Variants in SON observed in about 807,000 individuals in gnomAD.
SON encodes the protein protein SON.
SON carries 4 observed loss-of-function variants against 173.3 expected under a neutral mutation model. The observed-to-expected ratio is 0.02, with a 90% confidence interval of 0.01 to 0.05. The LOEUF is 0.05. Among genes scored for constraint, SON ranks in the 10% least tolerant of loss-of-function variants. The pLI, the probability that SON is intolerant of heterozygous loss-of-function variation, is 1.00. For missense variants in SON, 2,626 were observed against 3,055.3 expected (o/e 0.86, Z 3.31); for synonymous variants, 1,190 against 1,105.9 (o/e 1.08, Z -1.51).
At chr21:33,562,939 T>C (rs1039838490) in intron 6 of SON, among the ~76,000 whole-genome samples, 4 of 152,142 alleles carry the variant, frequency 2.6e-5, no homozygotes, top group African/African-American at 7.2e-5. Flanking sequence ...AGAGGTAGTA[T>C]TGTTAAGGTC....
intron 6 of SON, chr21:33,560,351 C>G: frequency 7.8e-7 from 1 of 1,286,722 alleles, no homozygotes; most frequent in Non-Finnish European, 9.8e-7. Context: ...CTTTTAAATT[C>G]TTGTGTTTAA....
chr21:33,552,309 C>T lies in SON; in HGVS notation c.3078C>T (p.Ser1026=), dbSNP rs745970382. The T allele has an allele frequency of 1.2e-6, 2 of 1,613,828 alleles. No homozygotes were observed. Among genetic ancestry groups the T allele is most frequent in the Admixed American group, 1.7e-5 (1 of 59,988 alleles). The change falls in exon 3 of 12, where the codon TCC becomes TCT. Residue 1026 remains serine (S), a synonymous_variant. Coordinates refer to ENST00000356577, the MANE Select transcript of SON (RefSeq NM_138927.4). This position sits in a 1 kb window ranked among gnomAD's most constrained non-coding sequence, Gnocchi z 5.6. The part of the protein sequence containing the change: ...SMMSYERSMM[S]PMAERSMMSA... Reference sequence around the variant, plus strand: ...TGTCTTATGAGCGGTCTATGATGTCCCCTATGGCTGAACGCTCTATGATGT... The same window carrying T: ...TGTCTTATGAGCGGTCTATGATGTCTCCTATGGCTGAACGCTCTATGATGT...
chr21:33,573,873 G>A (rs113490823), intron 9 of SON, among the ~76,000 whole-genome samples: 2 of 604 alleles, frequency 3.3e-3, no homozygotes, highest in Non-Finnish European at 7.5e-3. Context: ...TACAATACTG[G>A]TTTAGTCTAG....
Position 33,555,212 on chromosome 21 carries a change from C to G in SON, c.5981C>G (p.Thr1994Ser), listed in dbSNP as rs540586131. The change falls in exon 3 of 12, where the codon ACC (threonine) becomes AGC (serine). Residue 1994 changes from threonine to serine, a missense_variant. Around this residue, in one of 13 missense-constraint regions of SON, gnomAD observed 138 missense variants for 222.9 expected, o/e 0.62. Transcript: ENST00000356577. ...CGCACCCCTAGCCGTCGGAGCCGCA[C>G]CCCAAGCCGCCGGAGAAGATCAAGG... Reference protein sequence around the residue: ...RSRTPSRRSRTPSRRRRSRSV... With the variant: ...RSRTPSRRSRSPSRRRRSRSV... The G allele has an allele frequency of 6.3e-7, 1 of 1,599,664 alleles. No individual in the cohort carries two copies. The highest frequency in any genetic ancestry group is 1.4e-5 in the African/African-American group (1 of 73,560).
chr21:33,550,022 T>C lies in SON; in HGVS notation c.791T>C (p.Val264Ala). 3 of 1,614,140 alleles carry C rather than the reference T, an allele frequency of 1.9e-6. No individual in the cohort carries two copies. The highest frequency in any genetic ancestry group is 1.3e-5 in the African/African-American group (1 of 75,066). The change falls in exon 3 of 12, where the codon GTA becomes GCA. Residue 264 changes from valine (V) to alanine (A), a missense_variant. By Grantham distance (64) the Val-to-Ala change is moderately conservative (BLOSUM62 0). Around this residue, in one of 13 missense-constraint regions of SON, gnomAD observed 757 missense variants for 730.1 expected, o/e 1.04. Coordinates refer to ENST00000356577, the MANE Select transcript of SON (RefSeq NM_138927.4). ...TLVLKSSEPV[V>A]TMSVEYQMKS... is the part of the protein sequence containing the mutation. ...GTGTTGAAGTCATCTGAGCCAGTTG[T>C]AACAATGTCAGTGGAGTATCAGATG...
At chr21:33,574,272 T>C (rs894182995) in intron 9 of SON, among the ~76,000 whole-genome samples, 12 of 152,234 alleles carry the variant, frequency 7.9e-5, no homozygotes, top group African/African-American at 2.9e-4. Context: ...TTTATTTTCA[T>C]CTTTGTAATC....
chr21:33,547,122 C>T (rs1002678433), intron 2 of SON: 2 of 152,082 alleles, frequency 1.3e-5, no homozygotes, highest in South Asian at 2.1e-4. Flanking sequence ...TTACAGGCGC[C>T]TGCCACCATG....
rs763012477 is a variant in SON at position 33,553,368 on chromosome 21, G to A, written c.4137G>A (p.Ser1379=). The A allele has an allele frequency of 2.3e-5, 37 of 1,611,762 alleles. No homozygotes were observed. The highest frequency in any genetic ancestry group is 3.0e-5 in the Non-Finnish European group (35 of 1,178,008). ...ESSTVTVLES[S]TVTVLEPSVV... ...CGACTGTGACTGTCCTGGAGTCTTC[G>A]ACTGTAACTGTCCTGGAGCCTTCGG... is the stretch of plus-strand genomic sequence containing the variant. Residue 1379 remains serine, a synonymous_variant, in exon 3 of 12, where the codon TCG becomes TCA. Transcript: ENST00000356577.
At chr21:33,570,599 A>C (rs948544683) in intron 8 of SON, among the ~76,000 whole-genome samples, 1 of 152,196 alleles carries the variant, frequency 6.6e-6, no homozygotes, top group Non-Finnish European at 1.5e-5. Flanking sequence ...TTGGACTTCT[A>C]TATTATAGTT....
rs1461830334 is a variant in SON at position 33,546,308 on chromosome 21, A to C, written c.173A>C (p.Asn58Thr). The C allele has an allele frequency of 6.2e-7, 1 of 1,613,856 alleles. No homozygotes were observed. Among genetic ancestry groups the C allele is most frequent in the East Asian group, 2.2e-5 (1 of 44,866 alleles). Residue 58 changes from asparagine (N) to threonine (T), a missense_variant, in exon 2 of 12, where the codon AAT (asparagine) becomes ACT (threonine). Coordinates refer to ENST00000356577, the MANE Select transcript of SON (RefSeq NM_138927.4). ...GCTGCCTCTGCCAGGAGTCTACCAA[A>C]TGAAGAAATAGTGCAGAAGATAGAG... is the stretch of plus-strand genomic sequence containing the variant. ...DAAASARSLP[N>T]EEIVQKIEEV...
At chr21:33,548,556 T>C (rs926154827) in intron 2 of SON, among the ~76,000 whole-genome samples, 1 of 152,242 alleles carries the variant, frequency 6.6e-6, no homozygotes, top group Non-Finnish European at 1.5e-5. Flanking sequence ...TAACCTTTGT[T>C]GAAAGCTTAT....
chr21:33,548,774 T>C (rs1000440467), intron 2 of SON, among the ~76,000 whole-genome samples: 1 of 152,208 alleles, frequency 6.6e-6, no homozygotes, highest in Non-Finnish European at 1.5e-5. Context: ...GCAAAAATTA[T>C]ATTATGTGGG....
intron 3 of SON, among the ~76,000 whole-genome samples, chr21:33,555,665 A>G (rs982449613): frequency 6.6e-6 from 1 of 152,238 alleles, no homozygotes; most frequent in Admixed American, 6.5e-5. Context: ...CCATAGCTAA[A>G]AATTGAAAGC....
Position 33,559,891 on chromosome 21 carries a change from GCAGGGCCGGGTTAGACGA to G in SON, c.6657+120_6657+137del. On this transcript the variant is annotated intron_variant, in intron 6 of 11. Coordinates refer to ENST00000356577, the MANE Select transcript of SON (RefSeq NM_138927.4). This position sits in a 1 kb window ranked among gnomAD's most constrained non-coding sequence, Gnocchi z 4.1. The stretch of plus-strand genomic sequence containing the variant: ...ACTCTTCTTAGGGCCGGGTTAAACG[GCAGGGCCGGGTTAGACGA>G]CAGATGAAACAACCCGCAGCTTCTC... The G allele has an allele frequency of 6.2e-7, 1 of 1,607,142 alleles. No individual in the cohort carries two copies. The highest frequency in any genetic ancestry group is 1.1e-5 in the South Asian group (1 of 90,600).
intron 6 of SON, among the ~76,000 whole-genome samples, chr21:33,566,771 A>G (rs553810653): frequency 6.6e-6 from 1 of 152,270 alleles, no homozygotes; most frequent in East Asian, 1.9e-4. Context: ...GAAAACTGCT[A>G]AGGAATGTAA....
In SON at chr21:33,552,103, C is replaced by T; in HGVS notation, c.2872C>T (p.Leu958=). ...PYRLGHDPYR[L]TPDPYRMSPR... ...TAGATTAGGCCATGATCCCTACAGACTAACTCCTGATCCCTATAGGATGTC... is the reference window on the plus strand; with the variant it reads ...TAGATTAGGCCATGATCCCTACAGATTAACTCCTGATCCCTATAGGATGTC... Residue 958 remains leucine, a synonymous_variant, in exon 3 of 12, where the codon CTA becomes TTA. Transcript: ENST00000356577. This position sits in a 1 kb window ranked among gnomAD's most constrained non-coding sequence, Gnocchi z 5.6. 2 of 1,614,040 alleles carry T rather than the reference C, an allele frequency of 1.2e-6. No individual in the cohort carries two copies. Among genetic ancestry groups the T allele is most frequent in the South Asian group, 2.2e-5 (2 of 91,078 alleles).
chr21:33,560,049 A>C (rs2086042375), intron 6 of SON: 1 of 1,614,198 alleles, frequency 6.2e-7, no homozygotes, highest in Non-Finnish European at 8.5e-7. Flanking sequence ...CCCTCCCTGC[A>C]CTTGTGGGAA....
chr21:33,572,129 G>GT (rs1364350776), intron 8 of SON: 3 of 149,706 alleles, frequency 2.0e-5, no homozygotes, highest in Non-Finnish European at 4.4e-5. Context: ...AGCTACTGAA[G>GT]TTTTTTTACT....
rs774230251 is a variant in SON, at chr21:33,553,503, G to T, written c.4272G>T (p.Val1424=). The T allele has an allele frequency of 1.2e-6, 2 of 1,614,084 alleles. No individual in the cohort carries two copies. The highest frequency in any genetic ancestry group is 1.3e-5 in the African/African-American group (1 of 74,924). ...EPSVPVLEPA[V]SVLQPSMIVS... ...CTGTGCCTGTTCTGGAACCAGCGGT[G>T]TCAGTCCTTCAACCTTCTATGATTG... Residue 1424 remains valine, a synonymous_variant, in exon 3 of 12, where the codon GTG becomes GTT. Transcript: ENST00000356577.
Sources: allele counts gnomAD v4.1 joint callset (sites outside exome capture counted in the v4.1 genomes callset), GRCh38; gene constraint gnomAD v4.1.1; regional missense constraint gnomAD v4.1.1; non-coding constraint Gnocchi (gnomAD v3.1); transcripts MANE v1.5; gene names NCBI Gene and HGNC (gene_info 2026-07-23, HGNC 2026-07-21).